Variants in PRG3 observed in about 807,000 individuals in gnomAD.
The protein encoded by PRG3 is proteoglycan 3.
PRG3 carries 25 observed loss-of-function variants against 26.1 expected under a neutral mutation model. The ratio of observed to expected loss-of-function variants is 0.96; its 90% CI spans 0.70 to 1.34. PRG3 has a LOEUF of 1.34. Among genes scored for constraint, PRG3 ranks in the 40% most tolerant of loss-of-function variants. The pLI, the probability that PRG3 is intolerant of heterozygous loss-of-function variation, is 0.00. For missense variants in PRG3, 280 were observed against 264.8 expected (o/e 1.06, Z -0.40); for synonymous variants, 111 against 100.4 (o/e 1.11, Z -0.63).
At position 57,377,769 on chromosome 11, in the gene PRG3, T is replaced by A; in HGVS notation, c.575A>T (p.Gln192Leu). 6.2e-7 allele frequency: 1 copy of A among 1,613,128 alleles called. No homozygotes were observed. Among genetic ancestry groups the A allele is most frequent in the Non-Finnish European group, 8.5e-7 (1 of 1,179,938 alleles). The change falls in exon 5 of 6, where the codon CAA becomes CTA. Residue 192 changes from glutamine (Q) to leucine (L), a missense_variant. Coordinates refer to ENST00000287143, the MANE Select transcript of PRG3 (RefSeq NM_006093.4). ...HWNFAYWSPG[Q>L]PGNGQGSCVA... ...ACAGGAGCCTTGCCCATTCCCAGGT[T>A]GCCCTGGGGACCAGTAAGCAAAATT... is the stretch of plus-strand genomic sequence containing the variant.
At chr11:57,379,882 C>T (rs1369100032) in intron 2 of PRG3, 75 bp from the exon 3 acceptor site, 3 of 1,330,630 alleles carry the variant, frequency 2.3e-6, no homozygotes, top group South Asian at 2.9e-5. Context: ...CCAGCAACGT[C>T]GCTCGAGCTT....
chr11:57,380,215 T>C (rs1437369190), intron 2 of PRG3, among the ~76,000 whole-genome samples: 5 of 151,862 alleles, frequency 3.3e-5, no homozygotes, highest in Non-Finnish European at 5.9e-5. Context: ...GCCTGGCAAA[T>C]ATGGTGAAAC....
chr11:57,376,949 G>A (rs776521180), intron 5 of PRG3, 41 bp from the exon 6 acceptor site: 13 of 1,607,854 alleles, frequency 8.1e-6, no homozygotes, highest in South Asian at 6.6e-5. Flanking sequence ...GCCCTGCGGG[G>A]TCTGGCCTGG....
At chr11:57,379,275 G>T (rs1856974317) in intron 3 of PRG3, among the ~76,000 whole-genome samples, 1 of 152,120 alleles carries the variant, frequency 6.6e-6, no homozygotes, top group African/African-American at 2.4e-5. Context: ...TCATCACCTG[G>T]GGATTTGTTG....
In PRG3 at chr11:57,377,765, A is replaced by G; in HGVS notation, c.579T>C (p.Pro193=). The G allele has an allele frequency of 6.2e-7, 1 of 1,613,094 alleles. No homozygotes were observed. The highest frequency in any genetic ancestry group is 1.7e-5 in the Admixed American group (1 of 60,008). Residue 193 remains proline, a synonymous_variant, in exon 5 of 6, where the codon CCT becomes CCC. Coordinates refer to ENST00000287143, the MANE Select transcript of PRG3 (RefSeq NM_006093.4). ...WNFAYWSPGQ[P]GNGQGSCVAL... ...CCACACAGGAGCCTTGCCCATTCCC[A>G]GGTTGCCCTGGGGACCAGTAAGCAA...
chr11:57,379,789 A>G lies in PRG3; in HGVS notation c.80T>C (p.Leu27Pro). Residue 27 changes from leucine (L) to proline (P), a missense_variant, in exon 3 of 6, where the codon CTG becomes CCG. Coordinates refer to ENST00000287143, the MANE Select transcript of PRG3 (RefSeq NM_006093.4). Reference sequence around the variant, plus strand: ...GTCTGCCTGTGTCTCTAGGCTCTCCAGATGGGGGGCATCATTCTCTGGGAA... The same window carrying G: ...GTCTGCCTGTGTCTCTAGGCTCTCCGGATGGGGGGCATCATTCTCTGGGAA... ...ALHLENDAPH[L>P]ESLETQADLG... 1 of 1,608,464 alleles carries G rather than the reference A, an allele frequency of 6.2e-7. No homozygotes were observed. Among genetic ancestry groups the G allele is most frequent in the Non-Finnish European group, 8.5e-7 (1 of 1,176,608 alleles).
In PRG3 at chr11:57,376,785, G is replaced by T; in HGVS notation, c.*65C>A. On this transcript the variant is annotated 3_prime_UTR_variant, in exon 6 of 6. Transcript: ENST00000287143. The stretch of plus-strand genomic sequence containing the variant: ...GTCAGGAAATGCTGTGGGAAGTCTG[G>T]ATTTATGAGCAGGAGAGGTTGGGGG... 8 of 1,533,676 alleles carry T rather than the reference G, an allele frequency of 5.2e-6. No individual in the cohort carries two copies. The highest frequency in any genetic ancestry group is 6.3e-6 in the Non-Finnish European group (7 of 1,110,240).
intron 5 of PRG3, among the ~76,000 whole-genome samples, chr11:57,377,359 CAT>C (rs1416939455): frequency 3.9e-5 from 6 of 152,182 alleles, no homozygotes; most frequent in African/African-American, 1.4e-4. Flanking sequence ...TGGAGGTGGG[CAT>C]CTTGTCTCTC....
intron 5 of PRG3, 77 bp from the exon 6 acceptor site, chr11:57,376,985 GC>G: frequency 2.7e-6 from 4 of 1,495,818 alleles, no homozygotes; most frequent in Non-Finnish European, 2.8e-6. Flanking sequence ...CTCCTCAGGG[GC>G]CCCCTATGTC....
intron 2 of PRG3, among the ~76,000 whole-genome samples, chr11:57,380,105 G>C (rs957176930): frequency 6.6e-6 from 1 of 152,194 alleles, no homozygotes; most frequent in Non-Finnish European, 1.5e-5. Context: ...CCTTCTGAAA[G>C]TTCAGGTTAC....
intron 1 of PRG3, 145 bp downstream of exon 1, chr11:57,380,969 T>C (rs1856995940): frequency 6.6e-6 from 2 of 303,344 alleles, no homozygotes; most frequent in Non-Finnish European, 5.9e-6. Context: ...GTATCACCCT[T>C]AGCCCAGACT....
At chr11:57,380,875 T>C (rs1277102893) in intron 1 of PRG3, 94 bp from the exon 2 acceptor site, 2 of 507,234 alleles carry the variant, frequency 3.9e-6, no homozygotes, top group Non-Finnish European at 6.8e-6. Context: ...GACCCTGAGC[T>C]GGAGAGTCTA....
intron 5 of PRG3, among the ~76,000 whole-genome samples, chr11:57,377,302 A>G (rs994735869): frequency 2.6e-5 from 4 of 152,160 alleles, no homozygotes; most frequent in African/African-American, 9.7e-5. Flanking sequence ...CTCAGCCACT[A>G]TACTAAACTC....
At chr11:57,380,607 A>G in intron 2 of PRG3, 41 bp downstream of exon 2, 1 of 1,506,172 alleles carries the variant, frequency 6.6e-7, no homozygotes, top group Non-Finnish European at 9.0e-7. Context: ...GGAAAAAGGA[A>G]AAAAGGGAAA....
In PRG3 at chr11:57,380,513, C is replaced by G. The variant is rs576324034; in HGVS notation, c.61+135G>C. 4.4e-6 allele frequency: 3 copies of G among 675,392 alleles called. No individual in the cohort carries two copies. In the African/African-American group the frequency reaches 5.8e-5, roughly 13 times the overall value. 41.8% of individuals were successfully genotyped at this position (675,392 alleles called of 1,614,324 possible). A position where few individuals can be genotyped will look rare whatever the true frequency, so the allele number is the denominator to read the frequency against. On this transcript the variant is annotated intron_variant, in intron 2 of 5. Transcript: ENST00000287143. Reference sequence around the variant, plus strand: ...GTTCTGAGTCCAAGTGATATCTTACCGGAGATGAGCTGTATCAGCTAAAGA... The same window carrying G: ...GTTCTGAGTCCAAGTGATATCTTACGGGAGATGAGCTGTATCAGCTAAAGA...
At chr11:57,379,206 G>A (rs757122131) in intron 3 of PRG3, among the ~76,000 whole-genome samples, 3 of 152,178 alleles carry the variant, frequency 2.0e-5, no homozygotes, top group Non-Finnish European at 4.4e-5. Context: ...TAACACAGGC[G>A]TTTCTAACAC....
Position 57,379,674 on chromosome 11 carries a change from C to T in PRG3, c.195G>A (p.Lys65=). ...CAAAGTTGTCTTGACAGGCAGAAGC[C>T]TTGACCTCCTCTCCCTCTGCCTGAA... ...EVIQAEGEEV[K]ASACQDNFED... is the part of the protein sequence containing the mutation. The change falls in exon 3 of 6, where the codon AAG becomes AAA. Residue 65 remains lysine (K), a synonymous_variant. Transcript: ENST00000287143. 2.5e-6 allele frequency: 4 copies of T among 1,613,974 alleles called. No individual in the cohort carries two copies. The highest frequency in any genetic ancestry group is 1.3e-5 in the African/African-American group (1 of 75,054).
intron 2 of PRG3, 75 bp downstream of exon 2, chr11:57,380,573 T>C (rs948561668): frequency 3.7e-6 from 5 of 1,353,334 alleles, no homozygotes; most frequent in Admixed American, 2.7e-5. Flanking sequence ...TGAGTGCAAA[T>C]AAAAGCGGGG....
At chr11:57,380,429 A>G (rs866734109) in intron 2 of PRG3, among the ~76,000 whole-genome samples, 1 of 150,890 alleles carries the variant, frequency 6.6e-6, no homozygotes, top group African/African-American at 2.4e-5. Context: ...ACAAAAAAAA[A>G]AACAAAAACA....
Sources: gnomAD v4.1 joint callset for allele counts (sites outside exome capture counted in the v4.1 genomes callset) on GRCh38, gnomAD v4.1.1 for gene constraint, MANE v1.5 for transcripts, NCBI Gene and HGNC (gene_info 2026-07-23, HGNC 2026-07-21) for gene names.